CACNG2: variants seen among roughly 807,000 people sequenced by gnomAD.
The protein encoded by CACNG2 is voltage-dependent calcium channel gamma-2 subunit.
In CACNG2, 3 loss-of-function variants were observed where a neutral mutation model predicts 25.9. The ratio of observed to expected loss-of-function variants is 0.12; its 90% CI spans 0.05 to 0.30. CACNG2 has a LOEUF of 0.30. Ranked by LOEUF, CACNG2 falls within the 10% of genes least tolerant of loss-of-function variation. The probability of loss-of-function intolerance (pLI) is 1.00; values close to 1 mark genes in which losing one functional copy is unlikely to be tolerated. For missense variants in CACNG2, 341 were observed against 432.5 expected (o/e 0.79, Z 1.88); for synonymous variants, 167 against 173.3 (o/e 0.96, Z 0.29).
At chr22:36,582,506 A>G (rs779085455) in intron 2 of CACNG2, among the ~76,000 whole-genome samples, 10 of 151,620 alleles carry the variant, frequency 6.6e-5, no homozygotes, top group Non-Finnish European at 1.5e-4. Context: ...CCTGGGTTCA[A>G]ATGATTTTCC....
intron 1 of CACNG2, among the ~76,000 whole-genome samples, chr22:36,655,776 C>CT (rs1936695461): frequency 8.1e-6 from 1 of 123,920 alleles, no homozygotes; most frequent in African/African-American, 3.5e-5. Flanking sequence ...CTCTTTCTTT[C>CT]CTTCCTTCCT....
intron 1 of CACNG2, among the ~76,000 whole-genome samples, chr22:36,628,429 G>A (rs950196977): frequency 2.0e-5 from 3 of 152,218 alleles, no homozygotes; most frequent in Non-Finnish European, 4.4e-5. Flanking sequence ...TGCTCTGCAC[G>A]ATGTGTGCAA....
chr22:36,586,213 G>A (rs908065707), intron 2 of CACNG2, among the ~76,000 whole-genome samples: 1 of 152,200 alleles, frequency 6.6e-6, no homozygotes, highest in Non-Finnish European at 1.5e-5. Flanking sequence ...TCCCCAGCAC[G>A]GAGCACAGGA....
chr22:36,598,946 C>A (rs1935715594), intron 1 of CACNG2, among the ~76,000 whole-genome samples: 1 of 152,192 alleles, frequency 6.6e-6, no homozygotes, highest in South Asian at 2.1e-4. Flanking sequence ...TCACTGCACT[C>A]CAGCCTGGGT....
chr22:36,628,453 C>A (rs1036135256), intron 1 of CACNG2, among the ~76,000 whole-genome samples: 2 of 152,196 alleles, frequency 1.3e-5, no homozygotes, highest in Non-Finnish European at 2.9e-5. Context: ...CTAGTTATAA[C>A]GAGCAAGGGA....
At chr22:36,600,042 A>C (rs952802687) in intron 1 of CACNG2, among the ~76,000 whole-genome samples, 4 of 152,194 alleles carry the variant, frequency 2.6e-5, no homozygotes, top group Non-Finnish European at 5.9e-5. Flanking sequence ...TGCCCTTCTC[A>C]GTCCTTTCCT....
chr22:36,664,336 C>T (rs573068327), intron 1 of CACNG2, among the ~76,000 whole-genome samples: 4 of 152,294 alleles, frequency 2.6e-5, no homozygotes, highest in Admixed American at 6.5e-5. Context: ...GCTTATTGAT[C>T]GCCTACTCGA....
rs1258695259 is a variant in CACNG2 at position 36,563,178 on chromosome 22, T to C, written c.*1173A>G. On this transcript the variant is annotated 3_prime_UTR_variant, in exon 4 of 4. Coordinates refer to ENST00000300105, the MANE Select transcript of CACNG2 (RefSeq NM_006078.5). ...TTTTCTTTTGTAAAAAGAAGCCTTTTTGCAGTGTCATTGTTGAACCCGCTG... is the reference window on the plus strand; with the variant it reads ...TTTTCTTTTGTAAAAAGAAGCCTTTCTGCAGTGTCATTGTTGAACCCGCTG... Among the ~76,000 whole-genome samples the C allele has an allele frequency of 6.6e-6, 1 of 152,174 alleles. No homozygotes were observed. The highest frequency in any genetic ancestry group is 1.5e-5 in the Non-Finnish European group (1 of 68,014).
intron 1 of CACNG2, among the ~76,000 whole-genome samples, chr22:36,666,855 C>T (rs1239805907): frequency 6.6e-6 from 1 of 152,106 alleles, no homozygotes; most frequent in Admixed American, 6.5e-5. Context: ...TCCATCCTGT[C>T]CCCCACTAGA....
At chr22:36,596,281 G>A (rs1000417260) in intron 1 of CACNG2, among the ~76,000 whole-genome samples, 3 of 152,164 alleles carry the variant, frequency 2.0e-5, no homozygotes, top group African/African-American at 7.2e-5. Context: ...CCTCCCTGAC[G>A]GCAGGGATTC....
intron 2 of CACNG2, among the ~76,000 whole-genome samples, chr22:36,583,745 C>T (rs1935458080): frequency 6.6e-6 from 1 of 152,204 alleles, no homozygotes; most frequent in African/African-American, 2.4e-5. Context: ...TCCTGGGCTC[C>T]CTGCCTCTGT....
At chr22:36,574,821 A>C (rs536712201) in intron 2 of CACNG2, among the ~76,000 whole-genome samples, 133 of 151,088 alleles carry the variant, frequency 8.8e-4, no homozygotes, top group Admixed American at 1.6e-3. Context: ...CAAAACAAAC[A>C]AAAAAAGAGA....
At chr22:36,696,791 G>A (rs922023076) in intron 1 of CACNG2, among the ~76,000 whole-genome samples, 1 of 152,126 alleles carries the variant, frequency 6.6e-6, no homozygotes, top group African/African-American at 2.4e-5. Context: ...AGAAAAGGGA[G>A]GACAGACATC....
intron 1 of CACNG2, among the ~76,000 whole-genome samples, chr22:36,588,945 A>T (rs1206560932): frequency 6.6e-6 from 1 of 151,834 alleles, no homozygotes; most frequent in Non-Finnish European, 1.5e-5. Flanking sequence ...AGTATGTGTC[A>T]TAGATATTAA....
At chr22:36,692,345 G>A (rs1937276858) in intron 1 of CACNG2, among the ~76,000 whole-genome samples, 2 of 152,208 alleles carry the variant, frequency 1.3e-5, no homozygotes, top group South Asian at 4.1e-4. Flanking sequence ...TAAGGAAGTG[G>A]GACGGCACTC....
At chr22:36,643,683 T>A (rs972624365) in intron 1 of CACNG2, among the ~76,000 whole-genome samples, 12 of 152,204 alleles carry the variant, frequency 7.9e-5, no homozygotes, top group African/African-American at 2.9e-4. Context: ...TGCTACTCTG[T>A]GCAACCGAAG....
At position 36,567,021 on chromosome 22, in the gene CACNG2, T is replaced by TGAGA. The variant is rs146996584; in HGVS notation, c.296-532_296-529dup. Among the ~76,000 whole-genome samples, 860 of 152,334 alleles carry TGAGA rather than the reference T, an allele frequency of 5.6e-3. 55 individuals carry two copies. In the East Asian group the frequency reaches 0.13, roughly 24 times the overall value. ...TGCACTTTGGGGCCCTTGGGCACGCTGAGAGGCAGTGTGGTATAGTGGTTA... is the reference window on the plus strand; with the variant it reads ...TGCACTTTGGGGCCCTTGGGCACGCTGAGAGAGAGGCAGTGTGGTATAGTGGTTA... On this transcript the variant is annotated intron_variant, in intron 2 of 3. Transcript: ENST00000300105.
In CACNG2 at chr22:36,613,156, C is replaced by CTCTGTGTGTGTG. The variant is rs140413982; in HGVS notation, c.212-25609_212-25608insCACACACACAGA. Among the ~76,000 whole-genome samples the CTCTGTGTGTGTG allele has an allele frequency of 4.4e-3, 642 of 146,202 alleles. 3 individuals carry two copies. The highest frequency in any genetic ancestry group is 6.8e-3 in the African/African-American group (268 of 39,492). On this transcript the variant is annotated intron_variant, in intron 1 of 3. Transcript: ENST00000300105. ...AAAAGTTCATTTCATTACAGGCTCT[C>CTCTGTGTGTGTG]TGTGTGTGTGTGTGTGTGTGTGTGT...
At chr22:36,657,268 C>A (rs1936720934) in intron 1 of CACNG2, among the ~76,000 whole-genome samples, 1 of 152,216 alleles carries the variant, frequency 6.6e-6, no homozygotes, top group South Asian at 2.1e-4. Flanking sequence ...GGAAGGATAA[C>A]TGAACAAAGA....
Sources: allele counts gnomAD v4.1 joint callset (sites outside exome capture counted in the v4.1 genomes callset), GRCh38; gene constraint gnomAD v4.1.1; transcripts MANE v1.5; gene names NCBI Gene and HGNC (gene_info 2026-07-23, HGNC 2026-07-21).